RASGEF1A: variants seen among roughly 807,000 people sequenced by gnomAD.
RASGEF1A encodes ras-GEF domain-containing family member 1A.
In RASGEF1A, 18 loss-of-function variants were observed where a neutral mutation model predicts 56.4. The ratio of observed to expected loss-of-function variants is 0.32; its 90% CI spans 0.22 to 0.47. RASGEF1A has a LOEUF of 0.47. RASGEF1A is among the 20% of genes least tolerant of loss of function. The pLI is 1.00. For synonymous variants in RASGEF1A, 245 were observed against 242.6 expected, an observed-to-expected ratio of 1.01 and a Z score of -0.09; for missense variants, 422 against 627.1, an observed-to-expected ratio of 0.67 and a Z score of 3.49.
chr10:43,220,796 A>AT (rs1554826922), intron 1 of RASGEF1A, among the ~76,000 whole-genome samples: 1 of 148,302 alleles, frequency 6.7e-6, no homozygotes, highest in East Asian at 2.0e-4. Context: ...AAAAAAAAAA[A>AT]GGGGGGGGAG....
At chr10:43,237,213 G>A (rs151179221) in intron 1 of RASGEF1A, among the ~76,000 whole-genome samples, 4 of 152,096 alleles carry the variant, frequency 2.6e-5, no homozygotes, top group Non-Finnish European at 5.9e-5. Context: ...GGGCCAGCCT[G>A]CTCTATGGAA....
In RASGEF1A at chr10:43,203,276, C is replaced by T. The variant is rs753918720; in HGVS notation, c.321+22G>A. 2.6e-6 allele frequency: 4 copies of T among 1,547,530 alleles called. No individual in the cohort carries two copies. The East Asian group carries it at 9.8e-5, about 38-fold the overall frequency. On this transcript the variant is annotated intron_variant, in intron 3 of 12. Coordinates refer to ENST00000395810, the MANE Select transcript of RASGEF1A (RefSeq NM_145313.4). ...CTCCTGCCCCCTGCCCCCGCCCGTG[C>T]CCCAGCCAGGCCCCGCCTCACCTTT...
intron 1 of RASGEF1A, among the ~76,000 whole-genome samples, chr10:43,233,315 C>CGT (rs376496591): frequency 1.4e-3 from 207 of 150,854 alleles, no homozygotes; most frequent in African/African-American, 3.8e-3. Context: ...TGTGTGTGTG[C>CGT]GTGTGTGTGT....
chr10:43,213,770 G>A (rs939881439), intron 1 of RASGEF1A, among the ~76,000 whole-genome samples: 1 of 152,128 alleles, frequency 6.6e-6, no homozygotes, highest in African/African-American at 2.4e-5. Flanking sequence ...GGGATTGCAG[G>A]TGTACACCAC....
At chr10:43,259,691 C>T (rs577668528) in intron 1 of RASGEF1A, among the ~76,000 whole-genome samples, 60 of 152,300 alleles carry the variant, frequency 3.9e-4, no homozygotes, top group Admixed American at 6.5e-4. Flanking sequence ...GATGAGAGGG[C>T]ACAGAACAAG....
At chr10:43,249,836 C>T (rs1840607131) in intron 1 of RASGEF1A, among the ~76,000 whole-genome samples, 1 of 152,358 alleles carries the variant, frequency 6.6e-6, no homozygotes, top group Non-Finnish European at 1.5e-5. Flanking sequence ...ACCACCGGCC[C>T]CCACGCCAGG....
In RASGEF1A at chr10:43,196,905, C is replaced by A; in HGVS notation, c.1348+71G>T. Reference sequence around the variant, plus strand: ...AGCAGGCCATCTCCCAGGGCAACCCCAAAGAGCACCGGGCCTGGACAAGGA... The same window carrying A: ...AGCAGGCCATCTCCCAGGGCAACCCAAAAGAGCACCGGGCCTGGACAAGGA... On this transcript the variant is annotated intron_variant, in intron 11 of 12. Transcript: ENST00000395810. This position sits in a 1 kb window ranked among gnomAD's most constrained non-coding sequence, Gnocchi z 4.6. 6.3e-7 allele frequency: 1 copy of A among 1,580,486 alleles called. No homozygotes were observed. Among genetic ancestry groups the A allele is most frequent in the Non-Finnish European group, 8.6e-7 (1 of 1,164,016 alleles).
rs1262174402 is a variant in RASGEF1A, at chr10:43,199,546, C to A, written c.849+130G>T. On this transcript the variant is annotated intron_variant, in intron 7 of 12. Transcript: ENST00000395810. ...TGTCGGGGTTGGGGGACCACCAAGG[C>A]CCTGACAATGCAACAGGGACTTTGT... 13 of 739,942 alleles carry A rather than the reference C, an allele frequency of 1.8e-5. No homozygotes were observed. The East Asian group carries it at 3.2e-4, about 18-fold the overall frequency. The allele number at this position is 739,942 out of a possible 1,614,324, so 45.8% of individuals were successfully genotyped here. A position where few individuals can be genotyped will look rare whatever the true frequency, so the allele number is the denominator to read the frequency against.
At chr10:43,206,715 A>G in intron 1 of RASGEF1A, 1 of 987,034 alleles carries the variant, frequency 1.0e-6, no homozygotes, top group Non-Finnish European at 1.2e-6. Context: ...GGGTCTTGCC[A>G]CAGCCCAAGG....
chr10:43,260,446 C>T (rs1044549938), intron 1 of RASGEF1A, among the ~76,000 whole-genome samples: 2 of 152,228 alleles, frequency 1.3e-5, no homozygotes, highest in African/African-American at 2.4e-5. Flanking sequence ...ATGCATCTGG[C>T]GTCCTGCCCA....
Position 43,199,177 on chromosome 10 carries a change from G to T in RASGEF1A, c.867C>A (p.His289Gln). 6.2e-7 allele frequency: 1 copy of T among 1,611,324 alleles called. No homozygotes were observed. Among genetic ancestry groups the T allele is most frequent in the Non-Finnish European group, 8.5e-7 (1 of 1,178,704 alleles). Residue 289 changes from histidine to glutamine, a missense_variant, in exon 8 of 13, where the codon CAC (histidine) becomes CAA (glutamine). Around this residue, in one of 2 missense-constraint regions of RASGEF1A, gnomAD observed 149 missense variants for 287.2 expected, o/e 0.52. Transcript: ENST00000395810. ...TGAAGAACTCCAACATGCGGGTCCGGTGTTTCTTCTTCACCACCTGGAAGG... is the reference window on the plus strand; with the variant it reads ...TGAAGAACTCCAACATGCGGGTCCGTTGTTTCTTCTTCACCACCTGGAAGG... ...TEVCRVVKKK[H>Q]RTRMLEFFID...
intron 1 of RASGEF1A, among the ~76,000 whole-genome samples, chr10:43,258,962 C>A (rs541153553): frequency 1.3e-5 from 2 of 152,274 alleles, no homozygotes; most frequent in South Asian, 4.2e-4. Flanking sequence ...TGCTCCCCAC[C>A]CTGCACTGCC....
At chr10:43,213,730 G>A (rs920996251) in intron 1 of RASGEF1A, among the ~76,000 whole-genome samples, 1 of 152,156 alleles carries the variant, frequency 6.6e-6, no homozygotes. Context: ...AGGTTCAAGC[G>A]ATTCTCCTGC....
intron 1 of RASGEF1A, among the ~76,000 whole-genome samples, chr10:43,260,047 C>A (rs1414868578): frequency 6.6e-6 from 1 of 152,172 alleles, no homozygotes; most frequent in Non-Finnish European, 1.5e-5. Context: ...TCTGCAGACC[C>A]CAGAGGCTCA....
chr10:43,196,070 A>T lies in RASGEF1A; in HGVS notation c.*174T>A, dbSNP rs1839791992. The T allele has an allele frequency of 1.7e-6, 1 of 582,846 alleles. No individual in the cohort carries two copies. The highest frequency in any genetic ancestry group is 2.9e-5 in the East Asian group (1 of 34,242). The allele number at this position is 582,846 out of a possible 1,614,324, so 36.1% of individuals were successfully genotyped here. On this transcript the variant is annotated 3_prime_UTR_variant, in exon 13 of 13. Transcript: ENST00000395810. This position sits in a 1 kb window ranked among gnomAD's most constrained non-coding sequence, Gnocchi z 4.6. Reference sequence around the variant, plus strand: ...CCCTGTTATTTAAAATAAACAAAAAAAACTTTGTAAGTGCCAAAGGTTGAT... The same window carrying T: ...CCCTGTTATTTAAAATAAACAAAAATAACTTTGTAAGTGCCAAAGGTTGAT...
intron 1 of RASGEF1A, among the ~76,000 whole-genome samples, chr10:43,236,769 C>A (rs148624685): frequency 6.6e-6 from 1 of 152,256 alleles, no homozygotes; most frequent in Non-Finnish European, 1.5e-5. Flanking sequence ...GTGGCCCACT[C>A]AGGGCTCGCC....
chr10:43,249,925 A>C (rs2133223946), intron 1 of RASGEF1A, among the ~76,000 whole-genome samples: 1 of 152,360 alleles, frequency 6.6e-6, no homozygotes, highest in East Asian at 1.9e-4. Context: ...TGTGTTTAAA[A>C]GCAAGATTTA....
intron 1 of RASGEF1A, among the ~76,000 whole-genome samples, chr10:43,217,368 G>A (rs775228090): frequency 3.9e-5 from 6 of 152,214 alleles, no homozygotes; most frequent in South Asian, 2.1e-4. Context: ...CTCTTCCCAC[G>A]CCAGGGCTAC....
At position 43,230,795 on chromosome 10, in the gene RASGEF1A, C is replaced by A. The variant is rs549444404; in HGVS notation, c.-6-24673G>T. Among the ~76,000 whole-genome samples, 101 of 152,338 alleles carry A rather than the reference C, an allele frequency of 6.6e-4. 1 individual carries two copies. Among genetic ancestry groups the A allele is most frequent in the Non-Finnish European group, 1.2e-3 (82 of 68,022 alleles). ...GGCCTTGCCAGAGGCCCTCTGCCTCCCAGCTTGTTTGCCTGCTCACTTACT... is the reference window on the plus strand; with the variant it reads ...GGCCTTGCCAGAGGCCCTCTGCCTCACAGCTTGTTTGCCTGCTCACTTACT... On this transcript the variant is annotated intron_variant, in intron 1 of 12. Coordinates refer to ENST00000395810, the MANE Select transcript of RASGEF1A (RefSeq NM_145313.4).
Sources: allele counts gnomAD v4.1 joint callset (sites outside exome capture counted in the v4.1 genomes callset), GRCh38; gene constraint gnomAD v4.1.1; regional missense constraint gnomAD v4.1.1; non-coding constraint Gnocchi (gnomAD v3.1); transcripts MANE v1.5; gene names NCBI Gene and HGNC (gene_info 2026-07-23, HGNC 2026-07-21).